Variants in CNTN5 observed in about 807,000 individuals in gnomAD.
CNTN5 encodes the protein contactin 5.
CNTN5 carries 77 observed loss-of-function variants against 129.1 expected under a neutral mutation model. The observed-to-expected ratio is 0.60, with a 90% confidence interval of 0.50 to 0.72. The LOEUF (loss-of-function observed/expected upper bound fraction) is 0.72, where lower values mean the gene tolerates loss of function less well. CNTN5 is among the 30% of genes least tolerant of loss of function. The pLI, the probability that CNTN5 is intolerant of heterozygous loss-of-function variation, is 0.00. For synonymous variants in CNTN5, 509 were observed against 465.6 expected, an observed-to-expected ratio of 1.09 and a Z score of -1.20; for missense variants, 1,478 against 1,328.8, an observed-to-expected ratio of 1.11 and a Z score of -1.75.
At chr11:99,266,564 G>T (rs1862904721) in intron 1 of CNTN5, among the ~76,000 whole-genome samples, 1 of 151,888 alleles carries the variant, frequency 6.6e-6, no homozygotes, top group Admixed American at 6.6e-5. Flanking sequence ...ATTGCACCAC[G>T]GCACTTCAGC....
intron 2 of CNTN5, among the ~76,000 whole-genome samples, chr11:99,555,271 G>T (rs1159139381): frequency 6.6e-6 from 1 of 151,950 alleles, no homozygotes; most frequent in Non-Finnish European, 1.5e-5. Context: ...AAAAATCATT[G>T]ACATACTTTA....
intron 2 of CNTN5, among the ~76,000 whole-genome samples, chr11:99,368,086 G>A (rs961444456): frequency 1.3e-5 from 2 of 152,048 alleles, no homozygotes; most frequent in African/African-American, 4.8e-5. Context: ...AGATTTTGAT[G>A]AGACTACAAT....
chr11:99,654,600 T>TGA (rs1406822630), intron 3 of CNTN5, among the ~76,000 whole-genome samples: 1 of 151,960 alleles, frequency 6.6e-6, no homozygotes, highest in Non-Finnish European at 1.5e-5. Context: ...CTGAGTTGGG[T>TGA]GAGAAAGAAT....
At chr11:100,329,651 C>T (rs1951862415) in intron 21 of CNTN5, among the ~76,000 whole-genome samples, 2 of 152,234 alleles carry the variant, frequency 1.3e-5, no homozygotes, top group East Asian at 3.9e-4. Flanking sequence ...CATCACAGGA[C>T]TCTTTGCAGA....
At chr11:99,791,355 T>G (rs1462668441) in intron 3 of CNTN5, among the ~76,000 whole-genome samples, 1 of 152,172 alleles carries the variant, frequency 6.6e-6, no homozygotes, top group Non-Finnish European at 1.5e-5. Flanking sequence ...TTTGACCTTC[T>G]GCATATGGCT....
intron 1 of CNTN5, among the ~76,000 whole-genome samples, chr11:99,168,078 G>A (rs1446409608): frequency 6.6e-6 from 1 of 151,872 alleles, no homozygotes; most frequent in African/African-American, 2.4e-5. Context: ...AAGTAGCTAG[G>A]ACTACAAGCA....
At chr11:99,999,835 T>A (rs1018559817) in intron 8 of CNTN5, among the ~76,000 whole-genome samples, 2 of 152,004 alleles carry the variant, frequency 1.3e-5, no homozygotes, top group Non-Finnish European at 1.5e-5. Context: ...CCATAAAAAA[T>A]GATGAGTTCA....
intron 7 of CNTN5, among the ~76,000 whole-genome samples, chr11:99,932,635 C>T (rs1348987721): frequency 6.6e-6 from 1 of 151,994 alleles, no homozygotes; most frequent in Non-Finnish European, 1.5e-5. Context: ...CATGTTCTTA[C>T]CATAATTCCT....
intron 3 of CNTN5, among the ~76,000 whole-genome samples, chr11:99,662,007 A>G (rs1952611837): frequency 2.0e-5 from 3 of 152,156 alleles, no homozygotes; most frequent in Admixed American, 1.3e-4. Context: ...TTTTTTCTAT[A>G]TTCAGGATGA....
At chr11:100,295,592 A>G (rs1036546058) in intron 18 of CNTN5, among the ~76,000 whole-genome samples, 1 of 151,532 alleles carries the variant, frequency 6.6e-6, no homozygotes, top group Non-Finnish European at 1.5e-5. Context: ...GTTTTATTCT[A>G]TTAATATCTT....
chr11:99,053,010 G>A (rs1339785504), intron 1 of CNTN5, among the ~76,000 whole-genome samples: 1 of 151,686 alleles, frequency 6.6e-6, no homozygotes, highest in African/African-American at 2.4e-5. Context: ...TACAGGGCCC[G>A]TCATCCTACT....
intron 6 of CNTN5, among the ~76,000 whole-genome samples, chr11:99,880,679 TC>T (rs1313005909): frequency 2.0e-5 from 3 of 152,204 alleles, no homozygotes; most frequent in Non-Finnish European, 4.4e-5. Context: ...ATTGCTTTTG[TC>T]CTTTGCAAAA....
At chr11:99,754,808 G>A (rs141806623) in intron 3 of CNTN5, among the ~76,000 whole-genome samples, 1 of 152,190 alleles carries the variant, frequency 6.6e-6, no homozygotes, top group East Asian at 1.9e-4. Context: ...TTCACTCTTG[G>A]TGATGCACAT....
rs540094131 is a variant in CNTN5 at position 100,106,149 on chromosome 11, A to G, written c.1580+31855A>G. On this transcript the variant is annotated intron_variant, in intron 13 of 24. Coordinates refer to ENST00000524871, the MANE Select transcript of CNTN5 (RefSeq NM_014361.4). The stretch of plus-strand genomic sequence containing the variant: ...TGCAGATGGTGCTGCTGTTATCTCT[A>G]CATCAAGCCACTAAAAGGGAAGTGA... 2.0e-5 allele frequency among the ~76,000 whole-genome samples: 3 copies of G among 152,266 alleles called. No homozygotes were observed. The East Asian group carries it at 5.8e-4, about 29-fold the overall frequency.
chr11:99,946,775 T>C (rs1373654047), intron 7 of CNTN5, among the ~76,000 whole-genome samples: 3 of 147,800 alleles, frequency 2.0e-5, no homozygotes, highest in Non-Finnish European at 4.5e-5. Context: ...TACTTTCTTT[T>C]TTATGTGTTC....
chr11:100,062,878 T>G (rs1405225207), intron 10 of CNTN5, among the ~76,000 whole-genome samples: 1 of 152,158 alleles, frequency 6.6e-6, no homozygotes, highest in Non-Finnish European at 1.5e-5. Flanking sequence ...GGGAAAAGTT[T>G]TTTTCTGTAC....
chr11:99,189,671 C>G (rs1394042841), intron 1 of CNTN5, among the ~76,000 whole-genome samples: 1 of 151,592 alleles, frequency 6.6e-6, no homozygotes, highest in Non-Finnish European at 1.5e-5. Flanking sequence ...TTACATTTCT[C>G]TGATGATTGA....
chr11:100,087,566 T>C (rs1345790575), intron 13 of CNTN5, among the ~76,000 whole-genome samples: 1 of 151,922 alleles, frequency 6.6e-6, no homozygotes, highest in African/African-American at 2.4e-5. Flanking sequence ...AAGGGTTCAA[T>C]TCAACAAGAA....
rs114721917 is a variant in CNTN5, at chr11:99,658,515, C to G, written c.55+102246C>G. 2.2e-3 allele frequency among the ~76,000 whole-genome samples: 342 copies of G among 152,058 alleles called. 1 individual carries two copies. The highest frequency in any genetic ancestry group is 7.5e-3 in the African/African-American group (312 of 41,504). On this transcript the variant is annotated intron_variant, in intron 3 of 24. Transcript: ENST00000524871. ...ACAGAGTATATAGTAAATATTTACT[C>G]TTGCATCACATTTAACAATTAGGAA... is the stretch of plus-strand genomic sequence containing the variant.
Sources: gnomAD v4.1 joint callset for allele counts (sites outside exome capture counted in the v4.1 genomes callset) on GRCh38, gnomAD v4.1.1 for gene constraint, MANE v1.5 for transcripts, NCBI Gene and HGNC (gene_info 2026-07-23, HGNC 2026-07-21) for gene names.